The following SCN9A variants were observed in gnomAD, a reference collection of about 807,000 sequenced individuals.
SCN9A encodes the protein sodium channel protein type 9 subunit alpha.
A neutral mutation model predicts 187.0 loss-of-function variants in SCN9A; 131 were observed. The ratio of observed to expected loss-of-function variants is 0.70; its 90% CI spans 0.61 to 0.81. SCN9A has a LOEUF of 0.81. SCN9A is among the 30% of genes least tolerant of loss of function. The pLI is 0.00. For missense variants in SCN9A, 2,252 were observed against 2,396.6 expected, an observed-to-expected ratio of 0.94 and a Z score of 1.26; for synonymous variants, 809 against 808.6, an observed-to-expected ratio of 1.00 and a Z score of -0.01.
At chr2:166,328,951 C>A (rs2105260066) in intron 1 of SCN9A, among the ~76,000 whole-genome samples, 1 of 152,132 alleles carries the variant, frequency 6.6e-6, no homozygotes, top group African/African-American at 2.4e-5. Flanking sequence ...CTCAGGTTTA[C>A]ATAAAATTTT....
At chr2:166,303,651 G>A (rs1045037446) in intron 6 of SCN9A, among the ~76,000 whole-genome samples, 3 of 152,056 alleles carry the variant, frequency 2.0e-5, no homozygotes, top group African/African-American at 7.2e-5. Context: ...GTGACACCTT[G>A]TAATAATTTT....
intron 7 of SCN9A, among the ~76,000 whole-genome samples, chr2:166,295,305 G>C (rs958280339): frequency 1.3e-5 from 2 of 152,182 alleles, no homozygotes; most frequent in Non-Finnish European, 2.9e-5. Context: ...AATGAGTTTG[G>C]ATTTTAAGTA....
chr2:166,256,002 A>G (rs1696256733), intron 17 of SCN9A, among the ~76,000 whole-genome samples: 1 of 151,506 alleles, frequency 6.6e-6, no homozygotes, highest in South Asian at 2.1e-4. Context: ...AATTTCAATT[A>G]AAGGATCAAA....
intron 1 of SCN9A, among the ~76,000 whole-genome samples, chr2:166,357,410 G>T (rs934214157): frequency 3.9e-5 from 6 of 152,166 alleles, no homozygotes; most frequent in Admixed American, 1.3e-4. Flanking sequence ...TAAGAAACAG[G>T]TAAAATGTTC....
chr2:166,344,303 A>G (rs1699852402), intron 1 of SCN9A, among the ~76,000 whole-genome samples: 2 of 152,208 alleles, frequency 1.3e-5, no homozygotes, highest in Admixed American at 1.3e-4. Context: ...ATTAATAATA[A>G]GGCTTTTTAT....
intron 21 of SCN9A, 150 bp downstream of exon 21, chr2:166,233,190 T>C: frequency 3.1e-6 from 1 of 322,610 alleles, no homozygotes; most frequent in Non-Finnish European, 4.9e-6. Flanking sequence ...CATATATGCA[T>C]ATGTATATAT....
chr2:166,210,022 G>T (rs1008229959), intron 24 of SCN9A, among the ~76,000 whole-genome samples: 2 of 152,084 alleles, frequency 1.3e-5, no homozygotes, highest in African/African-American at 4.8e-5. Flanking sequence ...GTTTATTGCG[G>T]CACTATTCAC....
chr2:166,219,041 G>A (rs781223151), intron 24 of SCN9A, among the ~76,000 whole-genome samples: 4 of 152,072 alleles, frequency 2.6e-5, no homozygotes, highest in Non-Finnish European at 4.4e-5. Flanking sequence ...AGTCAGAATG[G>A]CTATTATGAA....
chr2:166,350,093 GC>G (rs1299136231), intron 1 of SCN9A, among the ~76,000 whole-genome samples: 2 of 152,242 alleles, frequency 1.3e-5, no homozygotes, highest in African/African-American at 4.8e-5. Context: ...AACTTCCTCT[GC>G]CATAATTAAA....
rs112965451 is a variant in SCN9A, at chr2:166,243,869, T to C, written c.3473-1213A>G. Reference sequence around the variant, plus strand: ...AGTTGGAAGGGTGAATAGAGAGGAGTAGGGGTGAAGAAAGTTTCATACCCA... The same window carrying C: ...AGTTGGAAGGGTGAATAGAGAGGAGCAGGGGTGAAGAAAGTTTCATACCCA... On this transcript the variant is annotated intron_variant, in intron 18 of 26. Coordinates refer to ENST00000642356, the MANE Select transcript of SCN9A (RefSeq NM_001365536.1). Among the ~76,000 whole-genome samples the C allele has an allele frequency of 9.8e-3, 1,480 of 151,662 alleles. 27 individuals carry two copies. The highest frequency in any genetic ancestry group is 0.033 in the African/African-American group (1,374 of 41,374).
At chr2:166,309,127 A>T (rs533760063) in intron 2 of SCN9A, among the ~76,000 whole-genome samples, 2 of 152,112 alleles carry the variant, frequency 1.3e-5, no homozygotes, top group South Asian at 4.2e-4. Flanking sequence ...GAAGAATGAG[A>T]GTGAAGAGGG....
intron 24 of SCN9A, among the ~76,000 whole-genome samples, chr2:166,215,359 A>G (rs571216705): frequency 9.2e-5 from 14 of 152,294 alleles, no homozygotes; most frequent in African/African-American, 3.4e-4. Flanking sequence ...GAAAATCTCA[A>G]ATAAACAACC....
chr2:166,311,678 T>C lies in SCN9A; in HGVS notation c.79A>G (p.Ile27Val), dbSNP rs1449322124. Residue 27 changes from isoleucine to valine, a missense_variant, in exon 2 of 27, where the codon ATT becomes GTT. Physicochemically the swap from Ile to Val is conservative, Grantham distance 29 (BLOSUM62 3). Coordinates refer to ENST00000642356, the MANE Select transcript of SCN9A (RefSeq NM_001365536.1). ...GGTTCCTTTGATTTTCTTTCAGCAA[T>C]GCGTTGTTCAATGAGGGCAAGAGAC... ...KQSLALIEQR[I>V]AERKSKEPKE... is the part of the protein sequence containing the mutation. The C allele has an allele frequency of 6.2e-7, 1 of 1,613,344 alleles. No individual in the cohort carries two copies. Among genetic ancestry groups the C allele is most frequent in the African/African-American group, 1.3e-5 (1 of 74,824 alleles).
intron 1 of SCN9A, among the ~76,000 whole-genome samples, chr2:166,344,435 A>T (rs1018650101): frequency 2.6e-5 from 4 of 152,184 alleles, no homozygotes; most frequent in African/African-American, 9.6e-5. Context: ...TTGATGAAAC[A>T]GCATCTTACG....
chr2:166,326,583 T>C (rs910864226), intron 1 of SCN9A, among the ~76,000 whole-genome samples: 1 of 152,242 alleles, frequency 6.6e-6, no homozygotes, highest in Non-Finnish European at 1.5e-5. Context: ...ACAGCAGGAA[T>C]GACCTTGGAC....
chr2:166,219,325 C>T lies in SCN9A; in HGVS notation c.4398+7242G>A, dbSNP rs147494208. 2.5e-3 allele frequency among the ~76,000 whole-genome samples: 382 copies of T among 152,094 alleles called. 2 individuals carry two copies. The highest frequency in any genetic ancestry group is 4.8e-3 in the Admixed American group (73 of 15,274). Reference sequence around the variant, plus strand: ...AAGACATAGAATCAACTCAAATGACCATCAGTGATAGACTGGATAAAGATA... The same window carrying T: ...AAGACATAGAATCAACTCAAATGACTATCAGTGATAGACTGGATAAAGATA... On this transcript the variant is annotated intron_variant, in intron 24 of 26. Transcript: ENST00000642356.
intron 1 of SCN9A, among the ~76,000 whole-genome samples, chr2:166,366,601 A>T (rs1288959778): frequency 6.6e-6 from 1 of 152,234 alleles, no homozygotes; most frequent in East Asian, 1.9e-4. Context: ...ACTATTATAC[A>T]TTCCCACCAA....
At chr2:166,236,433 T>G (rs867258041) in intron 20 of SCN9A, among the ~76,000 whole-genome samples, 12 of 152,194 alleles carry the variant, frequency 7.9e-5, no homozygotes, top group African/African-American at 2.7e-4. Flanking sequence ...TATTATTATT[T>G]TTTTTGAGAT....
At chr2:166,214,664 G>T (rs1382837892) in intron 24 of SCN9A, among the ~76,000 whole-genome samples, 1 of 149,122 alleles carries the variant, frequency 6.7e-6, no homozygotes, top group African/African-American at 2.5e-5. Context: ...ACAGGCGCCC[G>T]CTACCACGCC....
Sources: gnomAD v4.1 joint callset for allele counts (sites outside exome capture counted in the v4.1 genomes callset) on GRCh38, gnomAD v4.1.1 for gene constraint, MANE v1.5 for transcripts, NCBI Gene and HGNC (gene_info 2026-07-23, HGNC 2026-07-21) for gene names.